Variants in ARHGAP35 observed in about 807,000 individuals in gnomAD.
ARHGAP35 encodes Rho GTPase activating protein 35.
In ARHGAP35, 15 loss-of-function variants were observed where a neutral mutation model predicts 111.1. The ratio of observed to expected loss-of-function variants is 0.13; its 90% CI spans 0.09 to 0.21. The LOEUF (loss-of-function observed/expected upper bound fraction) is 0.21. Among genes scored for constraint, ARHGAP35 ranks in the 10% least tolerant of loss-of-function variants. The pLI, the probability that ARHGAP35 is intolerant of heterozygous loss-of-function variation, is 1.00. For missense variants in ARHGAP35, 1,262 were observed against 1,873.0 expected (o/e 0.67, Z 6.02); for synonymous variants, 643 against 710.3 (o/e 0.91, Z 1.51).
intron 1 of ARHGAP35, among the ~76,000 whole-genome samples, chr19:46,890,705 TG>T (rs1225615863): frequency 6.6e-6 from 1 of 152,256 alleles, no homozygotes; most frequent in Non-Finnish European, 1.5e-5. Flanking sequence ...TTGGGGCCTT[TG>T]CCAAACTGGA....
chr19:46,892,795 G>A (rs191019514), intron 1 of ARHGAP35, among the ~76,000 whole-genome samples: 173 of 152,132 alleles, frequency 1.1e-3, no homozygotes, highest in African/African-American at 5.8e-4. Context: ...GAGTTGGGGC[G>A]TCTCTGCACT....
Position 46,999,080 on chromosome 19 carries a change from C to A in ARHGAP35, c.4037-224C>A. ...GCCAGGAAGCCCCAGGCACACAGTG[C>A]CGCCCTTCAGCGGGGGCCTGGGACA... On this transcript the variant is annotated intron_variant, in intron 5 of 6. Coordinates refer to ENST00000672722, the MANE Select transcript of ARHGAP35 (RefSeq NM_004491.5). The surrounding 1 kb of genome is among the most constrained non-coding windows in gnomAD (Gnocchi z 5.4). 1.8e-6 allele frequency: 1 copy of A among 551,046 alleles called. No homozygotes were observed. Among genetic ancestry groups the A allele is most frequent in the Non-Finnish European group, 3.2e-6 (1 of 309,600 alleles). 34.1% of individuals were successfully genotyped at this position (551,046 alleles called of 1,614,324 possible). A position where few individuals can be genotyped will look rare whatever the true frequency, so the allele number is the denominator to read the frequency against.
Position 46,921,241 on chromosome 19 carries a change from A to G in ARHGAP35, c.2566A>G (p.Ile856Val), listed in dbSNP as rs755879808. The G allele has an allele frequency of 1.9e-6, 3 of 1,613,940 alleles. No individual in the cohort carries two copies. Among genetic ancestry groups the G allele is most frequent in the East Asian group, 2.2e-5 (1 of 44,888 alleles). ...AAAGAGCCGGTTGGTTCATGGGTAC[A>G]TTGTTTTTTATTCAGCCAAACGTAA... ...IRKSRLVHGY[I>V]VFYSAKRKAS... The change falls in exon 2 of 7, where the codon ATT (isoleucine) becomes GTT (valine). Residue 856 changes from isoleucine (I) to valine (V), a missense_variant. Physicochemically the swap from Ile to Val is conservative, Grantham distance 29. Around this residue, in one of 8 missense-constraint regions of ARHGAP35, gnomAD observed 579 missense variants for 716.9 expected, o/e 0.81. Transcript: ENST00000672722. This position sits in a 1 kb window ranked among gnomAD's most constrained non-coding sequence, Gnocchi z 4.3.
intron 3 of ARHGAP35, among the ~76,000 whole-genome samples, chr19:46,978,566 G>T (rs2056592767): frequency 2.1e-5 from 3 of 145,068 alleles, no homozygotes; most frequent in Admixed American, 1.4e-4. Flanking sequence ...GTGTGTGTGT[G>T]GTGGGATGTG....
intron 3 of ARHGAP35, among the ~76,000 whole-genome samples, chr19:46,952,778 A>G (rs372259076): frequency 2.0e-5 from 3 of 152,270 alleles, no homozygotes; most frequent in African/African-American, 7.2e-5. Context: ...CCTGGGTCTC[A>G]GGTGATCCTC....
chr19:46,896,676 C>T (rs1400171067), intron 1 of ARHGAP35, among the ~76,000 whole-genome samples: 1 of 152,090 alleles, frequency 6.6e-6, no homozygotes, highest in Non-Finnish European at 1.5e-5. Context: ...GCAGCTGGGG[C>T]CATACTAAGC....
chr19:46,978,524 G>A (rs2056591706), intron 3 of ARHGAP35, among the ~76,000 whole-genome samples: 1 of 149,788 alleles, frequency 6.7e-6, no homozygotes, highest in South Asian at 2.1e-4. Flanking sequence ...GATGGGATGT[G>A]TGTGTGTGGT....
intron 1 of ARHGAP35, among the ~76,000 whole-genome samples, chr19:46,889,339 G>A (rs556110195): frequency 1.6e-4 from 24 of 151,992 alleles, no homozygotes; most frequent in Middle Eastern, 3.4e-3. Flanking sequence ...TGTGCCTGTA[G>A]TCCCAGCTAC....
At chr19:46,869,476 TTGTGTGTG>T (rs36048282) in intron 1 of ARHGAP35, among the ~76,000 whole-genome samples, 77 of 144,310 alleles carry the variant, frequency 5.3e-4, no homozygotes, top group African/African-American at 1.1e-3. Flanking sequence ...AGAAAAAAAA[TTGTGTGTG>T]TGTGTGTGTG....
intron 3 of ARHGAP35, among the ~76,000 whole-genome samples, chr19:46,950,526 G>C (rs1304294630): frequency 6.6e-6 from 1 of 152,250 alleles, no homozygotes; most frequent in Non-Finnish European, 1.5e-5. Flanking sequence ...ATCAGTCCCT[G>C]AAGGGGTAAT....
rs143989540 is a variant in ARHGAP35 at position 46,890,077 on chromosome 19, A to G, written c.-188-28411A>G. On this transcript the variant is annotated intron_variant, in intron 1 of 6. Coordinates refer to ENST00000672722, the MANE Select transcript of ARHGAP35 (RefSeq NM_004491.5). ...TTTCATCAAATTCTCAAAGGAATCC[A>G]TGACCCAAAAAAGACTACAACCACT... Among the ~76,000 whole-genome samples the G allele has an allele frequency of 6.0e-3, 919 of 152,314 alleles. 5 individuals are homozygous for G. Among genetic ancestry groups the G allele is most frequent in the South Asian group, 0.02 (98 of 4,834 alleles).
At chr19:46,871,678 C>T (rs907528369) in intron 1 of ARHGAP35, among the ~76,000 whole-genome samples, 1 of 151,254 alleles carries the variant, frequency 6.6e-6, no homozygotes, top group African/African-American at 2.4e-5. Flanking sequence ...CCTTGATCTA[C>T]TTATAAGAAT....
intron 3 of ARHGAP35, among the ~76,000 whole-genome samples, chr19:46,959,081 A>T (rs75986043): frequency 3.3e-5 from 5 of 152,106 alleles, no homozygotes; most frequent in African/African-American, 1.2e-4. Flanking sequence ...TTAAAAAAAA[A>T]TTTATTTATT....
rs113301565 is a variant in ARHGAP35 at position 46,924,649 on chromosome 19, G to A, written c.3681+2293G>A. On this transcript the variant is annotated intron_variant, in intron 2 of 6. Coordinates refer to ENST00000672722, the MANE Select transcript of ARHGAP35 (RefSeq NM_004491.5). Reference sequence around the variant, plus strand: ...CCAGAAAACGGCCTGACTTGCCTCCGGTATTTTCCCAGAGCTCACCTATTT... The same window carrying A: ...CCAGAAAACGGCCTGACTTGCCTCCAGTATTTTCCCAGAGCTCACCTATTT... 5.3e-3 allele frequency among the ~76,000 whole-genome samples: 805 copies of A among 152,222 alleles called. 11 individuals are homozygous for A. Among genetic ancestry groups the A allele is most frequent in the African/African-American group, 0.019 (780 of 41,514 alleles).
intron 1 of ARHGAP35, among the ~76,000 whole-genome samples, chr19:46,900,409 C>G (rs1319814461): frequency 6.6e-6 from 1 of 152,012 alleles, no homozygotes; most frequent in South Asian, 2.1e-4. Context: ...GTAGTAGAGA[C>G]GGAGTTTTGC....
At position 46,989,487 on chromosome 19, in the gene ARHGAP35, C is replaced by T; in HGVS notation, c.3905-57C>T. On this transcript the variant is annotated intron_variant, in intron 4 of 6. Transcript: ENST00000672722. The surrounding 1 kb of genome is among the most constrained non-coding windows in gnomAD (Gnocchi z 5.3). ...AGCCTCTCCTGAGCCCCGAGTTGTC[C>T]TGATGCTTCTGCCTGGCTTAGAATG... 6.2e-7 allele frequency: 1 copy of T among 1,607,382 alleles called. No homozygotes were observed. The highest frequency in any genetic ancestry group is 8.5e-7 in the Non-Finnish European group (1 of 1,175,832).
At position 46,946,016 on chromosome 19, in the gene ARHGAP35, C is replaced by T. The variant is rs114658597; in HGVS notation, c.3826+8608C>T. 7.8e-3 allele frequency among the ~76,000 whole-genome samples: 1,187 copies of T among 152,324 alleles called. 14 individuals are homozygous for T. The highest frequency in any genetic ancestry group is 0.027 in the African/African-American group (1,140 of 41,562). On this transcript the variant is annotated intron_variant, in intron 3 of 6. Coordinates refer to ENST00000672722, the MANE Select transcript of ARHGAP35 (RefSeq NM_004491.5). ...TTTTACTGGGGCAGAAGGCACCCAT[C>T]TTCTCTCTTGAGTTATGATGTATTC... is the stretch of plus-strand genomic sequence containing the variant.
At chr19:46,924,268 A>T (rs544145309) in intron 2 of ARHGAP35, among the ~76,000 whole-genome samples, 2 of 152,342 alleles carry the variant, frequency 1.3e-5, no homozygotes, top group Admixed American at 1.3e-4. Flanking sequence ...GTAAAATGTA[A>T]TACAGAGGCC....
chr19:47,001,412 G>A lies in ARHGAP35; in HGVS notation c.*724G>A. 1 of 1,283,998 alleles carries A rather than the reference G, an allele frequency of 7.8e-7. No homozygotes were observed. Among genetic ancestry groups the A allele is most frequent in the Non-Finnish European group, 1.0e-6 (1 of 983,916 alleles). The allele number at this position is 1,283,998 out of a possible 1,614,324, so 79.5% of individuals were successfully genotyped here. ...GAAAAACCCTTCCAGTAATTAAAAA[G>A]GAAGAAACCACAGAAAGAAAACTAC... On this transcript the variant is annotated 3_prime_UTR_variant, in exon 7 of 7. Coordinates refer to ENST00000672722, the MANE Select transcript of ARHGAP35 (RefSeq NM_004491.5). This position sits in a 1 kb window ranked among gnomAD's most constrained non-coding sequence, Gnocchi z 5.4.
Sources: allele counts gnomAD v4.1 joint callset (sites outside exome capture counted in the v4.1 genomes callset), GRCh38; gene constraint gnomAD v4.1.1; regional missense constraint gnomAD v4.1.1; non-coding constraint Gnocchi (gnomAD v3.1); transcripts MANE v1.5; gene names NCBI Gene and HGNC (gene_info 2026-07-23, HGNC 2026-07-21).